The following FUBP1 variants were observed in gnomAD, a reference collection of about 807,000 sequenced individuals.
The protein encoded by FUBP1 is far upstream element-binding protein 1.
Under a neutral mutation model 94.9 loss-of-function variants are expected in FUBP1, and 16 were observed. The observed-to-expected ratio is 0.17, with a 90% CI of 0.11 to 0.26. FUBP1 has a LOEUF of 0.26. Ranked by LOEUF, FUBP1 falls within the 10% of genes least tolerant of loss-of-function variation. FUBP1 has a pLI of 1.00. For missense variants in FUBP1, 583 were observed against 808.6 expected (o/e 0.72, Z 3.38); for synonymous variants, 279 against 254.9 (o/e 1.09, Z -0.90).
Position 77,979,025 on chromosome 1 carries a change from T to G in FUBP1, c.-21A>C. 1 of 1,594,918 alleles carries G rather than the reference T, an allele frequency of 6.3e-7. No individual in the cohort carries two copies. Among genetic ancestry groups the G allele is most frequent in the Admixed American group, 1.7e-5 (1 of 57,874 alleles). ...GCCATGGTTGCACTATAAGAGCCGCTGCCGCCTGTTCAGAGACTTCCTCTC... is the reference window on the plus strand; with the variant it reads ...GCCATGGTTGCACTATAAGAGCCGCGGCCGCCTGTTCAGAGACTTCCTCTC... On this transcript the variant is annotated 5_prime_UTR_variant, in exon 1 of 20. Transcript: ENST00000370768.
Position 77,946,069 on chromosome 1 carries a change from A to G in FUBP1, c.*2697T>C, listed in dbSNP as rs1186964144. Among the ~76,000 whole-genome samples, 3 of 152,020 alleles carry G rather than the reference A, an allele frequency of 2.0e-5. No homozygotes were observed. Among genetic ancestry groups the G allele is most frequent in the Non-Finnish European group, 4.4e-5 (3 of 67,914 alleles). ...CATAATATCCTTACTGAATTATTAT[A>G]GTTTAAGAATAAGAAAAAAATAAAG... On this transcript the variant is annotated 3_prime_UTR_variant, in exon 20 of 20. Coordinates refer to ENST00000370768, the MANE Select transcript of FUBP1 (RefSeq NM_003902.5).
chr1:77,966,765 C>T lies in FUBP1; in HGVS notation c.416-14G>A. On this transcript the variant is annotated splice_polypyrimidine_tract_variant and intron_variant, in intron 6 of 19. Coordinates refer to ENST00000370768, the MANE Select transcript of FUBP1 (RefSeq NM_003902.5). ...GGCCACCACTGTCTACAATTTAAAA[C>T]AAACAGATAACTTCAGGTCAAAAGA... 6.6e-7 allele frequency: 1 copy of T among 1,518,982 alleles called. No individual in the cohort carries two copies. The allele number at this position is 1,518,982 out of a possible 1,614,324, so 94.1% of individuals were successfully genotyped here.
chr1:77,963,639 G>T lies in FUBP1; in HGVS notation c.1118C>A (p.Pro373His). 6.2e-7 allele frequency: 1 copy of T among 1,602,116 alleles called. No individual in the cohort carries two copies. Among genetic ancestry groups the T allele is most frequent in the Non-Finnish European group, 8.6e-7 (1 of 1,169,104 alleles). The change falls in exon 13 of 20, where the codon CCT becomes CAT. Residue 373 changes from proline (P) to histidine (H), a missense_variant. Pro to His is a moderately conservative substitution (Grantham distance 77). Transcript: ENST00000370768. ...RGQGNWNMGP[P>H]GGLQEFNFIV... The stretch of plus-strand genomic sequence containing the variant: ...AAAATTAAATTCCTGTAGTCCACCA[G>T]GTGGTCCCATGTTCCAGTTGCCTTG...
intron 18 of FUBP1, among the ~76,000 whole-genome samples, chr1:77,955,028 G>C (rs1021535651): frequency 3.3e-5 from 5 of 152,064 alleles, no homozygotes; most frequent in African/African-American, 1.2e-4. Context: ...TGTTAATATT[G>C]TATGTACCAG....
At chr1:77,963,506 G>A (rs1213575040) in intron 13 of FUBP1, 68 bp downstream of exon 13, 3 of 867,638 alleles carry the variant, frequency 3.5e-6, no homozygotes, top group African/African-American at 1.7e-5. Context: ...ACTTGTTTAC[G>A]ACAGCAACAG....
chr1:77,964,831 A>G (rs775158393), intron 9 of FUBP1, 39 bp downstream of exon 9: 2 of 1,510,334 alleles, frequency 1.3e-6, no homozygotes, highest in South Asian at 2.2e-5. Context: ...AACCCCATTC[A>G]ACCCACTCTT....
At chr1:77,968,655 A>G (rs1025204571) in intron 2 of FUBP1, among the ~76,000 whole-genome samples, 2 of 151,638 alleles carry the variant, frequency 1.3e-5, no homozygotes, top group Admixed American at 6.6e-5. Context: ...AAAAAAAAAA[A>G]CAAAAAAACC....
rs1235695802 is a variant in FUBP1, at chr1:77,979,018, G to A, written c.-14C>T. ...ATAGTCTGCCATGGTTGCACTATAA[G>A]AGCCGCTGCCGCCTGTTCAGAGACT... On this transcript the variant is annotated 5_prime_UTR_variant, in exon 1 of 20. Transcript: ENST00000370768. The A allele has an allele frequency of 9.4e-6, 15 of 1,601,608 alleles. No individual in the cohort carries two copies. The highest frequency in any genetic ancestry group is 2.7e-5 in the African/African-American group (2 of 74,606).
intron 18 of FUBP1, among the ~76,000 whole-genome samples, chr1:77,950,001 T>G (rs1373459506): frequency 6.6e-6 from 1 of 152,200 alleles, no homozygotes; most frequent in East Asian, 1.9e-4. Context: ...TTTTTCCAAA[T>G]AAGGTGACTT....
intron 1 of FUBP1, among the ~76,000 whole-genome samples, chr1:77,971,585 A>G (rs759715981): frequency 3.3e-5 from 5 of 152,186 alleles, no homozygotes; most frequent in Admixed American, 1.3e-4. Context: ...GTCTAATTAC[A>G]TATCAGTTCC....
chr1:77,952,583 G>A (rs77119495), intron 18 of FUBP1, among the ~76,000 whole-genome samples: 1,775 of 152,270 alleles, frequency 0.012, 33 homozygotes, highest in African/African-American at 0.041. Context: ...TTGGCTTTGA[G>A]ATAAAGATAT....
chr1:77,975,700 A>G (rs1320273340), intron 1 of FUBP1, among the ~76,000 whole-genome samples: 1 of 152,204 alleles, frequency 6.6e-6, no homozygotes, highest in Admixed American at 6.5e-5. Context: ...TATTAGTACC[A>G]CTGCTAAAGA....
intron 18 of FUBP1, among the ~76,000 whole-genome samples, chr1:77,950,152 T>C (rs1653123919): frequency 6.6e-6 from 1 of 152,182 alleles, no homozygotes; most frequent in Non-Finnish European, 1.5e-5. Context: ...TCTGTATGTT[T>C]GTGATAATAT....
chr1:77,964,376 G>C lies in FUBP1; in HGVS notation c.838-20C>G, dbSNP rs200330246. The C allele has an allele frequency of 7.0e-7, 1 of 1,423,034 alleles. No homozygotes were observed. Among genetic ancestry groups the C allele is most frequent in the Non-Finnish European group, 9.8e-7 (1 of 1,021,042 alleles). The allele number at this position is 1,423,034 out of a possible 1,614,324, so 88.2% of individuals were successfully genotyped here. A position where few individuals can be genotyped will look rare whatever the true frequency, so the allele number is the denominator to read the frequency against. On this transcript the variant is annotated intron_variant, in intron 10 of 19. Coordinates refer to ENST00000370768, the MANE Select transcript of FUBP1 (RefSeq NM_003902.5). Reference sequence around the variant, plus strand: ...GGGGACCTTATGTAAAAAAGACTAAGTATTAAGAAAGCTAGCTTCTCAGGG... The same window carrying C: ...GGGGACCTTATGTAAAAAAGACTAACTATTAAGAAAGCTAGCTTCTCAGGG...
Position 77,944,379 on chromosome 1 carries a change from G to A in FUBP1, c.*4387C>T, listed in dbSNP as rs1441754636. 1 of 201,632 alleles carries A rather than the reference G, an allele frequency of 5.0e-6. No homozygotes were observed. The highest frequency in any genetic ancestry group is 2.3e-5 in the African/African-American group (1 of 43,332). The allele number at this position is 201,632 out of a possible 1,614,324, so 12.5% of individuals were successfully genotyped here. ...GAGTTTCTATAGGGGTATCACTGAA[G>A]AAAATAAAACCCTGGGATTTATTTG... On this transcript the variant is annotated 3_prime_UTR_variant, in exon 20 of 20. Transcript: ENST00000370768.
chr1:77,965,799 A>G (rs982080531), intron 7 of FUBP1, among the ~76,000 whole-genome samples: 18 of 152,238 alleles, frequency 1.2e-4, no homozygotes, highest in African/African-American at 4.1e-4. Flanking sequence ...CTGTAATCCC[A>G]GGACTTTGGG....
chr1:77,951,299 T>C (rs1488314367), intron 18 of FUBP1, among the ~76,000 whole-genome samples: 1 of 152,262 alleles, frequency 6.6e-6, no homozygotes, highest in Non-Finnish European at 1.5e-5. Flanking sequence ...TGCAAACTCC[T>C]ATATCCCTGT....
At chr1:77,971,583 A>G (rs1404890448) in intron 1 of FUBP1, among the ~76,000 whole-genome samples, 2 of 152,202 alleles carry the variant, frequency 1.3e-5, no homozygotes, top group African/African-American at 2.4e-5. Context: ...AAGTCTAATT[A>G]CATATCAGTT....
chr1:77,978,789 C>T (rs1659266979), intron 1 of FUBP1, 96 bp downstream of exon 1: 1 of 1,441,200 alleles, frequency 6.9e-7, no homozygotes, highest in Non-Finnish European at 9.7e-7. Context: ...AAGAACACCT[C>T]TTTCCTCTTC....
Sources: allele counts gnomAD v4.1 joint callset (sites outside exome capture counted in the v4.1 genomes callset), GRCh38; gene constraint gnomAD v4.1.1; transcripts MANE v1.5; gene names NCBI Gene and HGNC (gene_info 2026-07-23, HGNC 2026-07-21).